Variants in RBMS1 observed in about 807,000 individuals in gnomAD.
The protein encoded by RBMS1 is RNA-binding motif, single-stranded-interacting protein 1.
RBMS1 carries 17 observed loss-of-function variants against 62.3 expected under a neutral mutation model. The observed-to-expected ratio is 0.27, with a 90% CI of 0.19 to 0.41. The LOEUF is 0.41. Among genes scored for constraint, RBMS1 ranks in the 10% least tolerant of loss-of-function variants. The pLI is 1.00. For missense variants in RBMS1, 334 were observed against 504.5 expected (o/e 0.66, Z 3.24); for synonymous variants, 172 against 170.0 (o/e 1.01, Z -0.09).
rs1687617006 is a variant in RBMS1 at position 160,272,262 on chromosome 2, T to C, written c.*2510A>G. Reference sequence around the variant, plus strand: ...ATGTCTTTTGGCGTTTAACAACAAGTCCTAGGAAAGAAAACTACAGAGTTA... The same window carrying C: ...ATGTCTTTTGGCGTTTAACAACAAGCCCTAGGAAAGAAAACTACAGAGTTA... On this transcript the variant is annotated 3_prime_UTR_variant, in exon 14 of 14. Transcript: ENST00000348849. 1 of 152,130 alleles carries C rather than the reference T, an allele frequency of 6.6e-6. No individual in the cohort carries two copies. Among genetic ancestry groups the C allele is most frequent in the Non-Finnish European group, 1.5e-5 (1 of 68,024 alleles). The allele number at this position is 152,130 out of a possible 1,614,324, so 9.4% of individuals were successfully genotyped here. A position where few individuals can be genotyped will look rare whatever the true frequency, so the allele number is the denominator to read the frequency against.
intron 1 of RBMS1, among the ~76,000 whole-genome samples, chr2:160,371,049 T>C (rs1043960368): frequency 9.2e-5 from 14 of 152,182 alleles, no homozygotes; most frequent in African/African-American, 2.9e-4. Flanking sequence ...CTGCTAAACA[T>C]TAGAGTCAAC....
intron 2 of RBMS1, among the ~76,000 whole-genome samples, chr2:160,324,907 T>TATATATATATATACAC (rs1321182985): frequency 9.4e-6 from 1 of 106,778 alleles, no homozygotes; most frequent in African/African-American, 4.2e-5. Context: ...TATATATATA[T>TATATATATATATACAC]ACACACACAC....
chr2:160,457,791 G>A (rs1470660303), intron 1 of RBMS1, among the ~76,000 whole-genome samples: 4 of 151,612 alleles, frequency 2.6e-5, no homozygotes, highest in Admixed American at 6.6e-5. Context: ...CTTGAAAGTC[G>A]CACTTTCACA....
intron 1 of RBMS1, among the ~76,000 whole-genome samples, chr2:160,380,676 T>A (rs906395218): frequency 5.3e-5 from 8 of 152,226 alleles, no homozygotes; most frequent in Non-Finnish European, 1.2e-4. Flanking sequence ...TTTGTTGTTG[T>A]TGTTGTTTTG....
intron 1 of RBMS1, among the ~76,000 whole-genome samples, chr2:160,465,844 C>CCA (rs34253924): frequency 0.04 from 4,410 of 109,912 alleles, 77 homozygotes; most frequent in Middle Eastern, 0.087. Flanking sequence ...CCTCCCCACA[C>CCA]CACACACACA....
Position 160,481,458 on chromosome 2 carries a change from T to C in RBMS1, c.75+11831A>G, listed in dbSNP as rs548610778. Among the ~76,000 whole-genome samples, 9 of 151,828 alleles carry C rather than the reference T, an allele frequency of 5.9e-5. No individual in the cohort carries two copies. The South Asian group carries it at 1.7e-3, about 28-fold the overall frequency. On this transcript the variant is annotated intron_variant, in intron 1 of 13. Transcript: ENST00000348849. ...TAAAAGATTGGTAAATTTTACTTCATTAAAATTAAGAACTTATATTTATTA... is the reference window on the plus strand; with the variant it reads ...TAAAAGATTGGTAAATTTTACTTCACTAAAATTAAGAACTTATATTTATTA...
intron 1 of RBMS1, among the ~76,000 whole-genome samples, chr2:160,461,759 A>G (rs1229021488): frequency 6.6e-6 from 1 of 152,242 alleles, no homozygotes; most frequent in African/African-American, 2.4e-5. Flanking sequence ...TACAGCTAAC[A>G]ATTCAGAAAT....
intron 2 of RBMS1, among the ~76,000 whole-genome samples, chr2:160,337,107 ATTTTCTTTTCGTTTTTCT>A (rs1004869658): frequency 2.1e-5 from 3 of 143,446 alleles, no homozygotes; most frequent in African/African-American, 7.7e-5. Flanking sequence ...TCCCAGAAGC[ATTTTCTTTTCGTTTTTCT>A]TTTTCTTTTC....
At chr2:160,461,298 AAAAG>A (rs1218748491) in intron 1 of RBMS1, among the ~76,000 whole-genome samples, 17 of 152,266 alleles carry the variant, frequency 1.1e-4, no homozygotes, top group East Asian at 1.9e-4. Flanking sequence ...AGAGAAAGAG[AAAAG>A]AAAGAAAGAA....
chr2:160,410,663 TAGAA>T (rs1695989305), intron 1 of RBMS1, among the ~76,000 whole-genome samples: 1 of 152,158 alleles, frequency 6.6e-6, no homozygotes, highest in South Asian at 2.1e-4. Flanking sequence ...TTCTAACACA[TAGAA>T]AGTAAGAAAA....
chr2:160,306,662 A>G (rs1002128227), intron 4 of RBMS1, among the ~76,000 whole-genome samples: 3 of 151,426 alleles, frequency 2.0e-5, no homozygotes, highest in Non-Finnish European at 4.4e-5. Context: ...CTGGCAGCAC[A>G]TGCCACAAAA....
At chr2:160,334,179 A>G (rs1691436949) in intron 2 of RBMS1, among the ~76,000 whole-genome samples, 2 of 152,206 alleles carry the variant, frequency 1.3e-5, no homozygotes, top group Admixed American at 1.3e-4. Context: ...TTATGTAAGG[A>G]GATTTTGCAG....
At chr2:160,477,298 G>T (rs1256390802) in intron 1 of RBMS1, among the ~76,000 whole-genome samples, 1 of 152,126 alleles carries the variant, frequency 6.6e-6, no homozygotes, top group Non-Finnish European at 1.5e-5. Flanking sequence ...AATGAGCTGT[G>T]TTTGCACCAC....
At chr2:160,435,200 T>A (rs1372209714) in intron 1 of RBMS1, among the ~76,000 whole-genome samples, 1 of 152,252 alleles carries the variant, frequency 6.6e-6, no homozygotes, top group Non-Finnish European at 1.5e-5. Context: ...ATACACTCTG[T>A]TGAGACCATG....
In RBMS1 at chr2:160,273,800, G is replaced by C. The variant is rs749858717; in HGVS notation, c.*972C>G. On this transcript the variant is annotated 3_prime_UTR_variant, in exon 14 of 14. Coordinates refer to ENST00000348849, the MANE Select transcript of RBMS1 (RefSeq NM_016836.4). ...TTTTTTCCTGAAAAAAGGCAAAAAA[G>C]ACTTTACATTGCATCATACAGCAGA... 5.2e-4 allele frequency: 47 copies of C among 90,612 alleles called. No homozygotes were observed. Among genetic ancestry groups the C allele is most frequent in the Non-Finnish European group, 8.4e-4 (40 of 47,812 alleles). 5.6% of individuals were successfully genotyped at this position (90,612 alleles called of 1,614,324 possible).
At chr2:160,296,881 A>G (rs995653251) in intron 6 of RBMS1, among the ~76,000 whole-genome samples, 4 of 152,172 alleles carry the variant, frequency 2.6e-5, no homozygotes, top group African/African-American at 9.7e-5. Flanking sequence ...CTCCTCCCCC[A>G]TTCAGATATG....
At chr2:160,373,089 G>C (rs189208587) in intron 1 of RBMS1, among the ~76,000 whole-genome samples, 1 of 152,190 alleles carries the variant, frequency 6.6e-6, no homozygotes, top group East Asian at 1.9e-4. Context: ...AAACTTTGCA[G>C]CTTCTCAAGA....
intron 1 of RBMS1, among the ~76,000 whole-genome samples, chr2:160,391,928 A>AC (rs1191416728): frequency 1.1e-4 from 16 of 151,974 alleles, no homozygotes; most frequent in Admixed American, 1.0e-3. Context: ...CCACTGCACT[A>AC]CAGCCTGGGG....
At chr2:160,333,925 C>A (rs1205457384) in intron 2 of RBMS1, among the ~76,000 whole-genome samples, 2 of 150,672 alleles carry the variant, frequency 1.3e-5, no homozygotes, top group African/African-American at 4.9e-5. Context: ...CTCTAGTGAA[C>A]TTAAAAAAAA....
Sources: allele counts gnomAD v4.1 joint callset (sites outside exome capture counted in the v4.1 genomes callset), GRCh38; gene constraint gnomAD v4.1.1; transcripts MANE v1.5; gene names NCBI Gene and HGNC (gene_info 2026-07-23, HGNC 2026-07-21).